USP37: variants seen among roughly 807,000 people sequenced by gnomAD.
The protein encoded by USP37 is ubiquitin specific peptidase 37.
In USP37, 27 loss-of-function variants were observed where a neutral mutation model predicts 124.0. The ratio of observed to expected loss-of-function variants is 0.22; its 90% confidence interval spans 0.16 to 0.30. USP37 has a LOEUF of 0.30. Among genes scored for constraint, USP37 ranks in the 10% least tolerant of loss-of-function variants. The pLI is 1.00. For synonymous variants in USP37, 365 were observed against 388.0 expected (o/e 0.94, Z 0.70); for missense variants, 889 against 1,140.4 (o/e 0.78, Z 3.17).
chr2:218,464,079 G>T (rs905816410), intron 21 of USP37, among the ~76,000 whole-genome samples: 9 of 151,470 alleles, frequency 5.9e-5, no homozygotes, highest in African/African-American at 1.7e-4. Context: ...GGATGGTCTC[G>T]ATCTCTTGAT....
At chr2:218,469,811 AT>A (rs1690570300) in intron 20 of USP37, among the ~76,000 whole-genome samples, 1 of 129,636 alleles carries the variant, frequency 7.7e-6, no homozygotes, top group African/African-American at 2.9e-5. Flanking sequence ...TTAACTCAAC[AT>A]TCTTTTTTTT....
intron 16 of USP37, 33 bp downstream of exon 16, chr2:218,485,631 A>G (rs1035042113): frequency 7.1e-7 from 1 of 1,416,224 alleles, no homozygotes; most frequent in Non-Finnish European, 9.3e-7. Context: ...TCTTTAGTCC[A>G]TAGCAAAAAA....
intron 6 of USP37, among the ~76,000 whole-genome samples, chr2:218,549,065 G>C (rs1264314869): frequency 1.3e-5 from 2 of 152,108 alleles, no homozygotes; most frequent in Non-Finnish European, 2.9e-5. Flanking sequence ...CTTCTGGATA[G>C]GGATCAGAGG....
intron 14 of USP37, among the ~76,000 whole-genome samples, chr2:218,493,430 C>T (rs1688904577): frequency 6.6e-6 from 1 of 152,174 alleles, no homozygotes. Flanking sequence ...AAGTGCCTAA[C>T]ACCACTGGCA....
At chr2:218,466,866 T>C (rs1366111480) in intron 20 of USP37, among the ~76,000 whole-genome samples, 2 of 151,776 alleles carry the variant, frequency 1.3e-5, no homozygotes, top group Non-Finnish European at 2.9e-5. Flanking sequence ...ACCAAGCAGC[T>C]GGGATTACAG....
At chr2:218,506,354 G>A (rs569531929) in intron 11 of USP37, among the ~76,000 whole-genome samples, 3 of 128,246 alleles carry the variant, frequency 2.3e-5, no homozygotes, top group African/African-American at 9.3e-5. Context: ...GCAGTGGTGC[G>A]ATCTCAGCTC....
chr2:218,524,521 T>C lies in USP37; in HGVS notation c.863+5435A>G, dbSNP rs11694091. ...TGTATTTCTTTTGTCCAATGTTTTA[T>C]TAAGTATTGGCTTTTAATCCAACAA... On this transcript the variant is annotated intron_variant, in intron 10 of 25. Coordinates refer to ENST00000258399, the MANE Select transcript of USP37 (RefSeq NM_020935.3). Among the ~76,000 whole-genome samples the C allele has an allele frequency of 5.5e-3, 832 of 152,356 alleles. 4 individuals carry two copies. Among genetic ancestry groups the C allele is most frequent in the Middle Eastern group, 0.041 (12 of 294 alleles).
chr2:218,559,934 T>G (rs1310051973), intron 3 of USP37, among the ~76,000 whole-genome samples: 1 of 151,998 alleles, frequency 6.6e-6, no homozygotes, highest in Non-Finnish European at 1.5e-5. Flanking sequence ...GAGCCATGAT[T>G]GCACCACTCA....
intron 6 of USP37, among the ~76,000 whole-genome samples, chr2:218,547,320 C>A (rs1191718054): frequency 1.3e-5 from 2 of 152,064 alleles, no homozygotes; most frequent in South Asian, 2.1e-4. Flanking sequence ...CAGAGCAAGA[C>A]CCTATCTCTA....
intron 13 of USP37, among the ~76,000 whole-genome samples, chr2:218,497,487 G>A (rs1335679855): frequency 4.0e-5 from 6 of 151,840 alleles, no homozygotes; most frequent in Middle Eastern, 3.4e-3. Context: ...TCTGCCTCCC[G>A]GGTTCAAGCA....
At chr2:218,518,382 G>A (rs1690416625) in intron 10 of USP37, among the ~76,000 whole-genome samples, 1 of 152,016 alleles carries the variant, frequency 6.6e-6, no homozygotes, top group Non-Finnish European at 1.5e-5. Context: ...GTGGAGCCCT[G>A]TGGTCCACTG....
rs368411539 is a variant in USP37 at position 218,466,204 on chromosome 2, T to C, written c.2300-28A>G. The C allele has an allele frequency of 8.3e-6, 13 of 1,570,072 alleles. No homozygotes were observed. In the African/African-American group the frequency reaches 1.4e-4, roughly 17 times the overall value. ...GAGGAAGCAGAACATAACATTAATT[T>C]GGAAAATCCTAATAAATGGAAATTT... On this transcript the variant is annotated intron_variant, in intron 20 of 25. Coordinates refer to ENST00000258399, the MANE Select transcript of USP37 (RefSeq NM_020935.3).
intron 5 of USP37, among the ~76,000 whole-genome samples, chr2:218,551,475 G>C (rs1692661716): frequency 6.6e-6 from 1 of 152,202 alleles, no homozygotes; most frequent in Non-Finnish European, 1.5e-5. Context: ...TTTCATGTTA[G>C]AGATTAGGAA....
At chr2:218,508,809 T>G (rs1427603491) in intron 11 of USP37, among the ~76,000 whole-genome samples, 1 of 152,222 alleles carries the variant, frequency 6.6e-6, no homozygotes. Context: ...TTTATGATGT[T>G]TTCTGCCAAT....
chr2:218,484,028 GCGTTC>G (rs1691405723), intron 16 of USP37, among the ~76,000 whole-genome samples: 1 of 151,250 alleles, frequency 6.6e-6, no homozygotes, highest in Non-Finnish European at 1.5e-5. Context: ...GCGTGGTGGC[GCGTTC>G]CTGTAATCCC....
intron 1 of USP37, among the ~76,000 whole-genome samples, chr2:218,563,436 T>G (rs778588692): frequency 3.3e-5 from 5 of 152,232 alleles, no homozygotes; most frequent in Non-Finnish European, 2.9e-5. Flanking sequence ...ATATGTCCTT[T>G]GTTCACTTTA....
chr2:218,462,258 C>A (rs1359122644), intron 22 of USP37, among the ~76,000 whole-genome samples: 1 of 152,132 alleles, frequency 6.6e-6, no homozygotes, highest in East Asian at 1.9e-4. Context: ...TCACTTGAAT[C>A]CGGGAGGCAG....
At chr2:218,475,246 C>T (rs934209229) in intron 19 of USP37, among the ~76,000 whole-genome samples, 1 of 152,116 alleles carries the variant, frequency 6.6e-6, no homozygotes, top group Non-Finnish European at 1.5e-5. Flanking sequence ...AATATTCTAT[C>T]ATTATGCCTA....
chr2:218,484,611 G>A (rs919230393), intron 16 of USP37, among the ~76,000 whole-genome samples: 13 of 148,170 alleles, frequency 8.8e-5, no homozygotes, highest in Non-Finnish European at 1.9e-4. Flanking sequence ...GACAGAGCAA[G>A]ACTCTGTATC....
Sources: gnomAD v4.1 joint callset for allele counts (sites outside exome capture counted in the v4.1 genomes callset) on GRCh38, gnomAD v4.1.1 for gene constraint, MANE v1.5 for transcripts, NCBI Gene and HGNC (gene_info 2026-07-23, HGNC 2026-07-21) for gene names.